The following ANKRD17 variants were observed in gnomAD, a reference collection of about 807,000 sequenced individuals.
ANKRD17 encodes ankyrin repeat domain 17.
Under a neutral mutation model 229.7 loss-of-function variants are expected in ANKRD17, and 19 were observed. The observed-to-expected ratio is 0.08, with a 90% CI of 0.06 to 0.12. The LOEUF (loss-of-function observed/expected upper bound fraction) is 0.12. ANKRD17 is among the 10% of genes least tolerant of loss of function. The pLI, the probability that ANKRD17 is intolerant of heterozygous loss-of-function variation, is 1.00. For synonymous variants in ANKRD17, 1,112 were observed against 1,146.1 expected, an observed-to-expected ratio of 0.97 and a Z score of 0.60; for missense variants, 2,176 against 3,176.8, an observed-to-expected ratio of 0.68 and a Z score of 7.57.
At chr4:73,085,603 C>T (rs1353154716) in intron 29 of ANKRD17, among the ~76,000 whole-genome samples, 157 bp from the exon 30 acceptor site, 2 of 150,402 alleles carry the variant, frequency 1.3e-5, no homozygotes, top group African/African-American at 4.9e-5. Flanking sequence ...AATCCCAGCA[C>T]TTTGGGAGGC....
At chr4:73,243,478 C>G (rs1313588862) in intron 1 of ANKRD17, among the ~76,000 whole-genome samples, 1 of 152,136 alleles carries the variant, frequency 6.6e-6, no homozygotes, top group Non-Finnish European at 1.5e-5. Context: ...CTACCTCCTA[C>G]ATAGGGTGGA....
chr4:73,236,721 A>C (rs1743548695), intron 1 of ANKRD17, among the ~76,000 whole-genome samples: 1 of 152,216 alleles, frequency 6.6e-6, no homozygotes, highest in African/African-American at 2.4e-5. Flanking sequence ...GTAAAATGTC[A>C]AAATAAGTAA....
At chr4:73,188,334 C>G (rs1206985624) in intron 1 of ANKRD17, among the ~76,000 whole-genome samples, 1 of 152,210 alleles carries the variant, frequency 6.6e-6, no homozygotes, top group African/African-American at 2.4e-5. Flanking sequence ...CACCTGTAAT[C>G]CCAGCATTTT....
chr4:73,085,682 CAAAA>C, intron 29 of ANKRD17, among the ~76,000 whole-genome samples: 1 of 89,558 alleles, frequency 1.1e-5, no homozygotes, highest in Admixed American at 1.2e-4. Flanking sequence ...GACCCCACCT[CAAAA>C]AAAAAAAAAA....
At chr4:73,170,667 C>T (rs995592051) in intron 2 of ANKRD17, among the ~76,000 whole-genome samples, 7 of 151,956 alleles carry the variant, frequency 4.6e-5, no homozygotes, top group African/African-American at 1.7e-4. Flanking sequence ...GAGTCTCAGG[C>T]CTGGCAGCTT....
intron 1 of ANKRD17, among the ~76,000 whole-genome samples, chr4:73,181,539 CA>C (rs2149016311): frequency 6.6e-6 from 1 of 152,160 alleles, no homozygotes; most frequent in African/African-American, 2.4e-5. Flanking sequence ...TATAAACATA[CA>C]AAAATAAGTA....
Position 73,077,070 on chromosome 4 carries a change from A to T in ANKRD17, c.7622T>A (p.Ile2541Asn), listed in dbSNP as rs1721075492. 2.5e-6 allele frequency: 4 copies of T among 1,610,246 alleles called. No homozygotes were observed. In the East Asian group the frequency reaches 8.9e-5, roughly 36 times the overall value. ...ATCAGGGATAGGTGCTACTGGAGGA[A>T]TCATTGCATTCCCATACACAGAAAA... ...MPFSVYGNAM[I>N]PPVAPIPDGA... The change falls in exon 33 of 34, where the codon ATT becomes AAT. Residue 2541 changes from isoleucine (I) to asparagine (N), a missense_variant. Ile to Asn is a moderately radical substitution (Grantham distance 149, BLOSUM62 -3). Around this residue, in one of 18 missense-constraint regions of ANKRD17, gnomAD observed 159 missense variants for 214.3 expected, o/e 0.74. Coordinates refer to ENST00000358602, the MANE Select transcript of ANKRD17 (RefSeq NM_032217.5).
In ANKRD17 at chr4:73,078,743, C is replaced by T. The variant is rs1466788329; in HGVS notation, c.7307G>A (p.Arg2436Lys). ...PIGTERSARI[R>K]QTGTSAPSVI... Reference sequence around the variant, plus strand: ...AGATGGAGCTGACGTTCCAGTTTGCCTGATACGTGCAGAACGTTCAGTCCC... The same window carrying T: ...AGATGGAGCTGACGTTCCAGTTTGCTTGATACGTGCAGAACGTTCAGTCCC... Residue 2436 changes from arginine to lysine, a missense_variant, in exon 31 of 34, where the codon AGG becomes AAG. By Grantham distance (26) the Arg-to-Lys change is conservative. Coordinates refer to ENST00000358602, the MANE Select transcript of ANKRD17 (RefSeq NM_032217.5). 3 of 1,614,096 alleles carry T rather than the reference C, an allele frequency of 1.9e-6. No homozygotes were observed. In the East Asian group the frequency reaches 6.7e-5, roughly 36 times the overall value.
chr4:73,094,671 G>T (rs1271666472), intron 27 of ANKRD17, among the ~76,000 whole-genome samples: 1 of 149,656 alleles, frequency 6.7e-6, no homozygotes, highest in African/African-American at 2.5e-5. Context: ...ATACATATAT[G>T]TATATATAGA....
intron 1 of ANKRD17, among the ~76,000 whole-genome samples, chr4:73,233,456 G>C (rs146092504): frequency 2.1e-3 from 323 of 152,164 alleles, no homozygotes; most frequent in Non-Finnish European, 3.6e-3. Context: ...ATAAATACTA[G>C]TCACTAAAGG....
intron 1 of ANKRD17, among the ~76,000 whole-genome samples, chr4:73,240,240 G>C (rs902184440): frequency 6.6e-6 from 1 of 151,970 alleles, no homozygotes; most frequent in South Asian, 2.1e-4. Flanking sequence ...TTCTGTACTA[G>C]AATCTGTAAG....
rs537485595 is a variant in ANKRD17, at chr4:73,084,681, T to C, written c.7159+568A>G. ...CCGAGCTGGTCTTGAACTCCTGACC[T>C]CAGGTGATCCACCCGCCTTGGCCTA... On this transcript the variant is annotated intron_variant, in intron 30 of 33. Coordinates refer to ENST00000358602, the MANE Select transcript of ANKRD17 (RefSeq NM_032217.5). Among the ~76,000 whole-genome samples the C allele has an allele frequency of 1.2e-4, 18 of 152,236 alleles. No individual in the cohort carries two copies. In the South Asian group the frequency reaches 2.7e-3, roughly 23 times the overall value.
At chr4:73,102,665 T>C in intron 24 of ANKRD17, 118 bp from the exon 25 acceptor site, 2 of 1,151,478 alleles carry the variant, frequency 1.7e-6, no homozygotes, top group South Asian at 2.8e-5. Flanking sequence ...AGTCATCTAG[T>C]TCAATTCATT....
chr4:73,088,637 T>G (rs1367889417), intron 29 of ANKRD17, among the ~76,000 whole-genome samples: 1 of 152,192 alleles, frequency 6.6e-6, no homozygotes, highest in Non-Finnish European at 1.5e-5. Flanking sequence ...TTATATTGAT[T>G]CTATTGTTTT....
intron 1 of ANKRD17, among the ~76,000 whole-genome samples, chr4:73,245,237 C>T (rs1227452690): frequency 1.3e-5 from 2 of 152,092 alleles, no homozygotes; most frequent in African/African-American, 2.4e-5. Context: ...AGAAAGAAGA[C>T]AGGACAGCAG....
At chr4:73,203,529 G>A (rs375471318) in intron 1 of ANKRD17, among the ~76,000 whole-genome samples, 4 of 152,060 alleles carry the variant, frequency 2.6e-5, no homozygotes, top group African/African-American at 4.8e-5. Context: ...AGGCCCAGGC[G>A]GGCGGATCAC....
rs1287927768 is a variant in ANKRD17, at chr4:73,074,599, TC to T, written c.*1631del. 5 of 151,940 alleles carry T rather than the reference TC, an allele frequency of 3.3e-5. No homozygotes were observed. The highest frequency in any genetic ancestry group is 7.4e-5 in the Non-Finnish European group (5 of 67,832). 9.4% of individuals were successfully genotyped at this position (151,940 alleles called of 1,614,324 possible). On this transcript the variant is annotated 3_prime_UTR_variant, in exon 34 of 34. Transcript: ENST00000358602. ...ATTTCTGGATATGTTTGAGAAGTCA[TC>T]TTTTTACTCTTTACTCAGGCTTTAC...
At chr4:73,209,599 C>A (rs1260818112) in intron 1 of ANKRD17, among the ~76,000 whole-genome samples, 1 of 152,104 alleles carries the variant, frequency 6.6e-6, no homozygotes. Context: ...GAAGGATATA[C>A]TCCCAATTTT....
At chr4:73,189,545 C>G (rs1323119919) in intron 1 of ANKRD17, among the ~76,000 whole-genome samples, 5 of 151,656 alleles carry the variant, frequency 3.3e-5, no homozygotes, top group African/African-American at 9.7e-5. Context: ...TACAGGCGGT[C>G]ACCACCATGC....
Sources: allele counts gnomAD v4.1 joint callset (sites outside exome capture counted in the v4.1 genomes callset), GRCh38; gene constraint gnomAD v4.1.1; regional missense constraint gnomAD v4.1.1; transcripts MANE v1.5; gene names NCBI Gene and HGNC (gene_info 2026-07-23, HGNC 2026-07-21).